CFAP77: variants seen among roughly 807,000 people sequenced by gnomAD.
CFAP77 encodes the protein cilia and flagella associated protein 77.
A neutral mutation model predicts 31.1 loss-of-function variants in CFAP77; 25 were observed. That is an observed-to-expected ratio of 0.80 (90% CI 0.59 to 1.12). CFAP77 has a LOEUF of 1.12. Ranked by LOEUF, CFAP77 falls within the 50% of genes most tolerant of loss-of-function variation. The probability of loss-of-function intolerance (pLI) is 0.00; values close to 1 mark genes in which losing one functional copy is unlikely to be tolerated. For synonymous variants in CFAP77, 151 were observed against 159.9 expected (o/e 0.94, Z 0.42); for missense variants, 377 against 397.3 (o/e 0.95, Z 0.44).
chr9:132,473,326 T>A (rs1044428698), intron 1 of CFAP77, among the ~76,000 whole-genome samples: 8 of 152,238 alleles, frequency 5.3e-5, no homozygotes, highest in African/African-American at 1.9e-4. Context: ...GTGGTATGGG[T>A]GCCAGGCATT....
At chr9:132,419,408 G>A (rs999091500) in intron 1 of CFAP77, among the ~76,000 whole-genome samples, 1 of 152,228 alleles carries the variant, frequency 6.6e-6, no homozygotes, top group African/African-American at 2.4e-5. Flanking sequence ...TGGCGTCAGA[G>A]AAGCAGCCCC....
chr9:132,477,184 C>A (rs1297688117), intron 1 of CFAP77, among the ~76,000 whole-genome samples: 1 of 152,218 alleles, frequency 6.6e-6, no homozygotes, highest in Non-Finnish European at 1.5e-5. Flanking sequence ...TTACTGAGCT[C>A]TGCCTCTGGC....
intron 3 of CFAP77, among the ~76,000 whole-genome samples, chr9:132,502,088 G>A (rs1001669075): frequency 1.3e-5 from 2 of 152,062 alleles, no homozygotes; most frequent in African/African-American, 4.8e-5. Flanking sequence ...CCGAAGCCCC[G>A]TTCAGTGGCC....
At position 132,552,193 on chromosome 9, in the gene CFAP77, G is replaced by A. The variant is rs1329667587; in HGVS notation, c.732+9146G>A. Among the ~76,000 whole-genome samples, 2 of 152,220 alleles carry A rather than the reference G, an allele frequency of 1.3e-5. No individual in the cohort carries two copies. The highest frequency in any genetic ancestry group is 1.3e-4 in the Admixed American group (2 of 15,282). ...CCAGGTCCCAGCCTGCCTCATGCCC[G>A]CCCCAGGTCTGCATCTGTGAAGTGG... On this transcript the variant is annotated intron_variant, in intron 5 of 5. Coordinates refer to ENST00000393216, the MANE Select transcript of CFAP77 (RefSeq NM_001282957.2). This position sits in a 1 kb window ranked among gnomAD's most constrained non-coding sequence, Gnocchi z 5.5.
chr9:132,471,571 C>T (rs987360802), intron 1 of CFAP77, among the ~76,000 whole-genome samples: 4 of 152,076 alleles, frequency 2.6e-5, no homozygotes, highest in African/African-American at 9.7e-5. Flanking sequence ...TTATGTTGTG[C>T]TATAAACATA....
intron 5 of CFAP77, among the ~76,000 whole-genome samples, chr9:132,566,857 C>A (rs1224914325): frequency 6.6e-6 from 1 of 152,336 alleles, no homozygotes; most frequent in East Asian, 1.9e-4. Context: ...AGGGCACATT[C>A]AAGTCCCTCC....
intron 1 of CFAP77, among the ~76,000 whole-genome samples, chr9:132,487,533 T>C (rs552127689): frequency 6.6e-6 from 1 of 152,104 alleles, no homozygotes; most frequent in East Asian, 1.9e-4. Context: ...CCACACATCC[T>C]CACACATCAC....
chr9:132,521,205 A>G (rs1021571454), intron 3 of CFAP77, among the ~76,000 whole-genome samples: 4 of 151,964 alleles, frequency 2.6e-5, no homozygotes, highest in Admixed American at 6.6e-5. Context: ...TGATCTTCCC[A>G]TGAGAGAGAG....
In CFAP77 at chr9:132,481,964, G is replaced by C. The variant is rs111848768; in HGVS notation, c.196-16731G>C. ...AAGGAACAAGGGTTTATGGTTGGGG[G>C]GGGGGGGGGCGGCGGAACACTGAAC... On this transcript the variant is annotated intron_variant, in intron 1 of 5. Transcript: ENST00000393216. The surrounding 1 kb of genome is among the most constrained non-coding windows in gnomAD (Gnocchi z 5.0). Among the ~76,000 whole-genome samples the C allele has an allele frequency of 5.9e-3, 811 of 137,946 alleles. 6 individuals are homozygous for C. Among genetic ancestry groups the C allele is most frequent in the African/African-American group, 0.017 (625 of 36,210 alleles). The allele number at this position is 137,946 out of a possible 152,430, so 90.5% of individuals were successfully genotyped here. A position where few individuals can be genotyped will look rare whatever the true frequency, so the allele number is the denominator to read the frequency against.
At chr9:132,482,306 G>A (rs149581041) in intron 1 of CFAP77, 748 of 1,610,492 alleles carry the variant, frequency 4.6e-4, no homozygotes, top group Non-Finnish European at 5.9e-4. Flanking sequence ...CATTTCTTTC[G>A]TAGGCTGCCG....
intron 5 of CFAP77, among the ~76,000 whole-genome samples, chr9:132,559,486 C>T (rs1852961453): frequency 6.6e-6 from 1 of 151,908 alleles, no homozygotes; most frequent in Non-Finnish European, 1.5e-5. Flanking sequence ...TGAGATGGGA[C>T]TTCACTCCCC....
rs1852876142 is a variant in CFAP77 at position 132,554,946 on chromosome 9, ATCCATC to A, written c.732+11900_732+11905del. Among the ~76,000 whole-genome samples the A allele has an allele frequency of 1.2e-5, 1 of 84,966 alleles. No homozygotes were observed. Among genetic ancestry groups the A allele is most frequent in the East Asian group, 2.6e-4 (1 of 3,908 alleles). 55.7% of individuals were successfully genotyped at this position (84,966 alleles called of 152,430 possible). A position where few individuals can be genotyped will look rare whatever the true frequency, so the allele number is the denominator to read the frequency against. ...CATGCATCCATCCATCCACCCATCC[ATCCATC>A]CATCCATCCATCCATCCATCCATCC... On this transcript the variant is annotated intron_variant, in intron 5 of 5. Transcript: ENST00000393216. This position sits in a 1 kb window ranked among gnomAD's most constrained non-coding sequence, Gnocchi z 4.1.
At chr9:132,486,537 C>G (rs1237734454) in intron 1 of CFAP77, among the ~76,000 whole-genome samples, 2 of 152,118 alleles carry the variant, frequency 1.3e-5, no homozygotes, top group Admixed American at 1.3e-4. Context: ...TCAGATGATA[C>G]CTAGCTAGTT....
rs1362944253 is a variant in CFAP77, at chr9:132,565,481, A to C, written c.733-6907A>C. Among the ~76,000 whole-genome samples, 1 of 152,034 alleles carries C rather than the reference A, an allele frequency of 6.6e-6. No individual in the cohort carries two copies. Among genetic ancestry groups the C allele is most frequent in the Non-Finnish European group, 1.5e-5 (1 of 68,004 alleles). On this transcript the variant is annotated intron_variant, in intron 5 of 5. Coordinates refer to ENST00000393216, the MANE Select transcript of CFAP77 (RefSeq NM_001282957.2). This position sits in a 1 kb window ranked among gnomAD's most constrained non-coding sequence, Gnocchi z 4.1. ...CCCGTCTCTACTAAAAATATAAAAA[A>C]TTAGCTGGGCGTGATGGCAGACACC...
chr9:132,428,490 C>T (rs1173219628), intron 1 of CFAP77, among the ~76,000 whole-genome samples: 3 of 152,142 alleles, frequency 2.0e-5, no homozygotes, highest in African/African-American at 7.2e-5. Context: ...TGGTGGACAC[C>T]TGTAATCCCA....
At chr9:132,431,848 C>T (rs963557281) in intron 1 of CFAP77, among the ~76,000 whole-genome samples, 2 of 152,078 alleles carry the variant, frequency 1.3e-5, no homozygotes, top group Admixed American at 6.6e-5. Context: ...TACTTTTGCA[C>T]CAACCTAGTA....
intron 1 of CFAP77, among the ~76,000 whole-genome samples, chr9:132,496,455 C>T (rs1158642830): frequency 6.6e-6 from 1 of 152,230 alleles, no homozygotes; most frequent in Non-Finnish European, 1.5e-5. Flanking sequence ...ATTTTCATCA[C>T]TCCCCAAAGA....
At chr9:132,536,661 T>C (rs559305647) in intron 3 of CFAP77, among the ~76,000 whole-genome samples, 1 of 152,294 alleles carries the variant, frequency 6.6e-6, no homozygotes, top group East Asian at 1.9e-4. Context: ...CCCAAAGTGC[T>C]GGGATTACAG....
At chr9:132,525,195 T>G (rs1852337819) in intron 3 of CFAP77, among the ~76,000 whole-genome samples, 1 of 151,952 alleles carries the variant, frequency 6.6e-6, no homozygotes, top group African/African-American at 2.4e-5. Flanking sequence ...GATTTTTGTG[T>G]TTTTAGTAGA....
Sources: gnomAD v4.1 joint callset for allele counts (sites outside exome capture counted in the v4.1 genomes callset) on GRCh38, gnomAD v4.1.1 for gene constraint, Gnocchi (gnomAD v3.1) non-coding constraint, MANE v1.5 for transcripts, NCBI Gene and HGNC (gene_info 2026-07-23, HGNC 2026-07-21) for gene names.